GPC5: variants seen among roughly 807,000 people sequenced by gnomAD.
The protein encoded by GPC5 is glypican-5.
GPC5 carries 47 observed loss-of-function variants against 53.9 expected under a neutral mutation model. The observed-to-expected ratio is 0.87, with a 90% CI of 0.69 to 1.11. The LOEUF (loss-of-function observed/expected upper bound fraction) is 1.11, where lower values mean the gene tolerates loss of function less well. Ranked by LOEUF, GPC5 falls within the 50% of genes most tolerant of loss-of-function variation. GPC5 has a pLI of 0.00. For synonymous variants in GPC5, 286 were observed against 263.3 expected, an observed-to-expected ratio of 1.09 and a Z score of -0.84; for missense variants, 748 against 713.1, an observed-to-expected ratio of 1.05 and a Z score of -0.56.
intron 7 of GPC5, among the ~76,000 whole-genome samples, chr13:92,360,026 T>A (rs2043553461): frequency 6.6e-6 from 1 of 151,784 alleles, no homozygotes; most frequent in African/African-American, 2.4e-5. Flanking sequence ...CTATATGTTG[T>A]CTGTTTACTC....
At chr13:92,334,604 C>T (rs545845935) in intron 7 of GPC5, among the ~76,000 whole-genome samples, 68 of 152,106 alleles carry the variant, frequency 4.5e-4, no homozygotes, top group Non-Finnish European at 8.1e-4. Flanking sequence ...TCCAAAGCCT[C>T]ATCTGAGACA....
chr13:91,845,919 G>T (rs1357440951), intron 5 of GPC5, among the ~76,000 whole-genome samples: 1 of 152,164 alleles, frequency 6.6e-6, no homozygotes, highest in East Asian at 1.9e-4. Context: ...GGAGATAATA[G>T]TAGGTGCCTC....
At chr13:92,065,095 C>A (rs1468397739) in intron 6 of GPC5, among the ~76,000 whole-genome samples, 1 of 152,086 alleles carries the variant, frequency 6.6e-6, no homozygotes, top group African/African-American at 2.4e-5. Context: ...TTTGAGAGCA[C>A]CTGAAAGGTC....
At chr13:91,943,628 T>G (rs1396236737) in intron 6 of GPC5, among the ~76,000 whole-genome samples, 1 of 152,184 alleles carries the variant, frequency 6.6e-6, no homozygotes, top group African/African-American at 2.4e-5. Context: ...GTGGATTAAC[T>G]GAGGTGAAAG....
At chr13:91,552,979 A>G (rs2030736051) in intron 2 of GPC5, among the ~76,000 whole-genome samples, 1 of 152,130 alleles carries the variant, frequency 6.6e-6, no homozygotes, top group Non-Finnish European at 1.5e-5. Flanking sequence ...ATTAAATTTA[A>G]TGGTGCATCA....
At chr13:91,988,698 G>A (rs559763382) in intron 6 of GPC5, among the ~76,000 whole-genome samples, 4 of 152,070 alleles carry the variant, frequency 2.6e-5, no homozygotes, top group East Asian at 1.9e-4. Context: ...TGTATTATGG[G>A]GAAATAAACC....
chr13:92,471,864 G>A (rs1878926472), intron 7 of GPC5, among the ~76,000 whole-genome samples: 2 of 152,108 alleles, frequency 1.3e-5, no homozygotes, highest in Admixed American at 1.3e-4. Flanking sequence ...TGGAGCTGGA[G>A]GGTGAAATAA....
At chr13:91,659,105 A>G (rs767443851) in intron 2 of GPC5, among the ~76,000 whole-genome samples, 3 of 152,228 alleles carry the variant, frequency 2.0e-5, no homozygotes, top group Non-Finnish European at 2.9e-5. Context: ...AATATGAATG[A>G]ATTAATGATT....
intron 7 of GPC5, among the ~76,000 whole-genome samples, chr13:92,721,246 C>A (rs1888501507): frequency 6.6e-6 from 1 of 151,934 alleles, no homozygotes; most frequent in African/African-American, 2.4e-5. Context: ...TGCTAGACCA[C>A]AAGATAAGGG....
chr13:92,713,755 G>A (rs1888232490), intron 7 of GPC5, among the ~76,000 whole-genome samples: 1 of 151,910 alleles, frequency 6.6e-6, no homozygotes, highest in Non-Finnish European at 1.5e-5. Context: ...TATAAGAAAT[G>A]TATTATTTCT....
intron 7 of GPC5, among the ~76,000 whole-genome samples, chr13:92,267,345 CATA>C (rs2139150139): frequency 6.6e-6 from 1 of 152,178 alleles, no homozygotes; most frequent in Non-Finnish European, 1.5e-5. Context: ...AGAATTTTCT[CATA>C]ATAATTTCCA....
chr13:92,513,305 A>T (rs1880644035), intron 7 of GPC5, among the ~76,000 whole-genome samples: 1 of 152,166 alleles, frequency 6.6e-6, no homozygotes, highest in African/African-American at 2.4e-5. Flanking sequence ...GAGAACATGC[A>T]ATCCTTTTTT....
intron 7 of GPC5, chr13:92,720,119 CTCTA>C (rs1432234495): frequency 6.6e-6 from 1 of 152,118 alleles, no homozygotes; most frequent in Non-Finnish European, 1.5e-5. Context: ...GATAAGCATA[CTCTA>C]TCTACTCTGG....
At chr13:92,033,187 T>C (rs548419848) in intron 6 of GPC5, among the ~76,000 whole-genome samples, 4 of 152,220 alleles carry the variant, frequency 2.6e-5, no homozygotes, top group African/African-American at 7.2e-5. Flanking sequence ...CTTGAGTAAA[T>C]AGAGTATTTG....
rs542744342 is a variant in GPC5, at chr13:92,407,216, T to A, written c.1561+262227T>A. Among the ~76,000 whole-genome samples, 31 of 152,210 alleles carry A rather than the reference T, an allele frequency of 2.0e-4. No homozygotes were observed. The East Asian group carries it at 5.0e-3, about 25-fold the overall frequency. ...CTAGGCTGATATACAAGAGTAAAAA[T>A]TTATTAACAAAGATACATAATCCAA... On this transcript the variant is annotated intron_variant, in intron 7 of 7. Coordinates refer to ENST00000377067, the MANE Select transcript of GPC5 (RefSeq NM_004466.6).
At chr13:92,584,463 A>C (rs552614087) in intron 7 of GPC5, among the ~76,000 whole-genome samples, 2 of 152,310 alleles carry the variant, frequency 1.3e-5, no homozygotes, top group African/African-American at 4.8e-5. Context: ...AAAGACATTT[A>C]TAAGCAGCAA....
chr13:91,467,012 G>A (rs1229018969), intron 2 of GPC5, among the ~76,000 whole-genome samples: 1 of 152,044 alleles, frequency 6.6e-6, no homozygotes, highest in Admixed American at 6.6e-5. Flanking sequence ...ATCTGAACCG[G>A]GTCCTTGCTT....
chr13:92,189,462 C>T (rs994555574), intron 7 of GPC5, among the ~76,000 whole-genome samples: 2 of 152,090 alleles, frequency 1.3e-5, no homozygotes, highest in African/African-American at 4.8e-5. Flanking sequence ...AGTTCAGGCT[C>T]ACTAAAAGAC....
chr13:91,970,978 C>T (rs1406573937), intron 6 of GPC5, among the ~76,000 whole-genome samples: 13 of 152,292 alleles, frequency 8.5e-5, no homozygotes, highest in Non-Finnish European at 1.5e-5. Flanking sequence ...ATGCTGGCCT[C>T]ATAAAATGAG....
Sources: allele counts gnomAD v4.1 joint callset (sites outside exome capture counted in the v4.1 genomes callset), GRCh38; gene constraint gnomAD v4.1.1; transcripts MANE v1.5; gene names NCBI Gene and HGNC (gene_info 2026-07-23, HGNC 2026-07-21).